Variants in CD302 observed in about 807,000 individuals in gnomAD.
CD302 encodes CD302 antigen.
Under a neutral mutation model 26.5 loss-of-function variants are expected in CD302, and 23 were observed. That is an observed-to-expected ratio of 0.87 (90% confidence interval 0.62 to 1.23). The LOEUF is 1.23. CD302 is among the 50% of genes most tolerant of loss of function. CD302 has a pLI of 0.00. For synonymous variants in CD302, 90 were observed against 99.4 expected (o/e 0.91, Z 0.56); for missense variants, 290 against 275.5 (o/e 1.05, Z -0.37).
At chr2:159,786,766 C>T (rs1022888637) in intron 1 of CD302, among the ~76,000 whole-genome samples, 4 of 152,128 alleles carry the variant, frequency 2.6e-5, no homozygotes, top group Non-Finnish European at 5.9e-5. Context: ...CATAAATATA[C>T]AGGTTGGTGA....
chr2:159,781,062 C>G, intron 2 of CD302, 64 bp from the exon 3 acceptor site: 1 of 1,305,008 alleles, frequency 7.7e-7, no homozygotes, highest in South Asian at 1.3e-5. Flanking sequence ...TCACTAGGTA[C>G]ATAAAAATAA....
intron 5 of CD302, among the ~76,000 whole-genome samples, chr2:159,776,839 G>A (rs1488858835): frequency 6.6e-6 from 1 of 151,500 alleles, no homozygotes; most frequent in East Asian, 1.9e-4. Context: ...CCAAGTAGCC[G>A]GGATTACAGG....
At position 159,771,747 on chromosome 2, in the gene CD302, C is replaced by T. The variant is rs1053685430; in HGVS notation, c.*104G>A. On this transcript the variant is annotated 3_prime_UTR_variant, in exon 6 of 6. Coordinates refer to ENST00000259053, the MANE Select transcript of CD302 (RefSeq NM_014880.5). ...AAAATGTTACTGGAATAAGGAATAC[C>T]ATTAAAGCTCTAATATCCAATGTCA... 4.0e-6 allele frequency: 5 copies of T among 1,264,286 alleles called. No homozygotes were observed. The East Asian group carries it at 1.0e-4, about 25-fold the overall frequency. The allele number at this position is 1,264,286 out of a possible 1,614,324, so 78.3% of individuals were successfully genotyped here.
chr2:159,780,892 A>G lies in CD302; in HGVS notation c.285T>C (p.Tyr95=), dbSNP rs1398060336. 10 of 1,612,900 alleles carry G rather than the reference A, an allele frequency of 6.2e-6. No homozygotes were observed. The highest frequency in any genetic ancestry group is 2.2e-5 in the East Asian group (1 of 44,850). ...GPDDILLGMF[Y]DTDDASFKWF... Reference sequence around the variant, plus strand: ...GTAAATATCACTTACCATCTGTGTCATAAAACATGCCTAGTAGGATATCAT... The same window carrying G: ...GTAAATATCACTTACCATCTGTGTCGTAAAACATGCCTAGTAGGATATCAT... Residue 95 remains tyrosine, a synonymous_variant, in exon 3 of 6, where the codon TAT becomes TAC. Transcript: ENST00000259053.
intron 1 of CD302, among the ~76,000 whole-genome samples, chr2:159,797,536 ACTC>A (rs1682488192): frequency 6.6e-6 from 1 of 151,922 alleles, no homozygotes; most frequent in Non-Finnish European, 1.5e-5. Context: ...GAACTTTAAA[ACTC>A]CTTGATTTCA....
In CD302 at chr2:159,780,978, G is replaced by T. The variant is rs768298768; in HGVS notation, c.199C>A (p.His67Asn). ...TDHGADMISI[H>N]NEEENAFILD... is the part of the protein sequence containing the mutation. ...ATAAAAGCATTTTCTTCTTCATTAT[G>T]TATGCTTATCATGTCCGCTCCTGAA... The change falls in exon 3 of 6, where the codon CAT (histidine) becomes AAT (asparagine). Residue 67 changes from histidine to asparagine, a missense_variant. Physicochemically the swap from His to Asn is moderately conservative, Grantham distance 68. Coordinates refer to ENST00000259053, the MANE Select transcript of CD302 (RefSeq NM_014880.5). The T allele has an allele frequency of 1.8e-5, 29 of 1,612,054 alleles. No individual in the cohort carries two copies. Among genetic ancestry groups the T allele is most frequent in the Non-Finnish European group, 2.5e-6 (3 of 1,179,686 alleles).
intron 1 of CD302, among the ~76,000 whole-genome samples, chr2:159,787,264 TA>T (rs2125809408): frequency 6.6e-6 from 1 of 152,302 alleles, no homozygotes; most frequent in African/African-American, 2.4e-5. Context: ...AGTTTTTTTT[TA>T]AATCCAGCTT....
rs1439865917 is a variant in CD302, at chr2:159,771,387, AGAT to A, written c.*461_*463del. 5 of 152,836 alleles carry A rather than the reference AGAT, an allele frequency of 3.3e-5. No individual in the cohort carries two copies. Among genetic ancestry groups the A allele is most frequent in the African/African-American group, 1.2e-4 (5 of 41,472 alleles). 9.5% of individuals were successfully genotyped at this position (152,836 alleles called of 1,614,324 possible). On this transcript the variant is annotated 3_prime_UTR_variant, in exon 6 of 6. Transcript: ENST00000259053. ...AATTTTCTTCATCTAAATCATAAAA[AGAT>A]ACACATTCTAGAGGAATTATCTGCC...
intron 5 of CD302, among the ~76,000 whole-genome samples, chr2:159,773,586 A>C (rs1708220734): frequency 6.6e-6 from 1 of 152,246 alleles, no homozygotes; most frequent in Non-Finnish European, 1.5e-5. Context: ...GGCGAGACAC[A>C]GTAAGTATAT....
At chr2:159,796,952 C>T (rs1682442516) in intron 1 of CD302, among the ~76,000 whole-genome samples, 1 of 152,170 alleles carries the variant, frequency 6.6e-6, no homozygotes, top group African/African-American at 2.4e-5. Context: ...GGTTCAGAGA[C>T]AGCCCAGCTT....
At chr2:159,794,474 A>G (rs1350794979) in intron 1 of CD302, among the ~76,000 whole-genome samples, 2 of 136,974 alleles carry the variant, frequency 1.5e-5, no homozygotes, top group Non-Finnish European at 3.2e-5. Flanking sequence ...TTGAAATTTC[A>G]CTTTTTCATT....
Position 159,783,391 on chromosome 2 carries a change from A to G in CD302, c.146T>C (p.Ile49Thr), listed in dbSNP as rs1708574014. Residue 49 changes from isoleucine (I) to threonine (T), a missense_variant, in exon 2 of 6, where the codon ATA becomes ACA. Physicochemically the swap from Ile to Thr is moderately conservative, Grantham distance 89 (BLOSUM62 -1). Coordinates refer to ENST00000259053, the MANE Select transcript of CD302 (RefSeq NM_014880.5). ...AGTACACTGATTTCTGACATCCTCT[A>G]TGCTTTCTACTTTGATGGCTTCTTG... is the stretch of plus-strand genomic sequence containing the variant. ...FLQEAIKVES[I>T]EDVRNQCTDH... is the part of the protein sequence containing the mutation. 11 of 1,611,480 alleles carry G rather than the reference A, an allele frequency of 6.8e-6. No individual in the cohort carries two copies. The highest frequency in any genetic ancestry group is 9.3e-6 in the Non-Finnish European group (11 of 1,179,360).
rs773753779 is a variant in CD302 at position 159,777,995 on chromosome 2, TTTAA to T, written c.470-35_470-32del. The T allele has an allele frequency of 1.6e-5, 14 of 879,614 alleles. No individual in the cohort carries two copies. The South Asian group carries it at 2.4e-4, about 15-fold the overall frequency. 54.5% of individuals were successfully genotyped at this position (879,614 alleles called of 1,614,324 possible). A position where few individuals can be genotyped will look rare whatever the true frequency, so the allele number is the denominator to read the frequency against. On this transcript the variant is annotated intron_variant, in intron 4 of 5. Transcript: ENST00000259053. ...ATACAAAAGAAAATAAAAATTAGAA[TTTAA>T]TTATGCTTTATTATAGGATTGACTT...
intron 2 of CD302, among the ~76,000 whole-genome samples, chr2:159,781,890 GTA>G (rs10541942): frequency 0.58 from 88,291 of 151,708 alleles, 25,942 homozygotes; most frequent in Admixed American, 0.68. Flanking sequence ...TATAATAAAT[GTA>G]TATGATTTTG....
At chr2:159,798,081 G>C (rs1682525538) in intron 1 of CD302, 51 bp downstream of exon 1, 1 of 1,471,906 alleles carries the variant, frequency 6.8e-7, no homozygotes, top group Non-Finnish European at 9.0e-7. Context: ...GTTGGGAAGG[G>C]GGCGAAGGCG....
In CD302 at chr2:159,771,143, T is replaced by C. The variant is rs1445850758; in HGVS notation, c.*708A>G. On this transcript the variant is annotated 3_prime_UTR_variant, in exon 6 of 6. Coordinates refer to ENST00000259053, the MANE Select transcript of CD302 (RefSeq NM_014880.5). Reference sequence around the variant, plus strand: ...GAGATACATCTTGTATAGGGGAAAGTACAAAAGGTATGGTGGCAAGAGAGA... The same window carrying C: ...GAGATACATCTTGTATAGGGGAAAGCACAAAAGGTATGGTGGCAAGAGAGA... 2.0e-5 allele frequency: 3 copies of C among 152,248 alleles called. No individual in the cohort carries two copies. The highest frequency in any genetic ancestry group is 4.8e-5 in the African/African-American group (2 of 41,562). The allele number at this position is 152,248 out of a possible 1,614,324, so 9.4% of individuals were successfully genotyped here.
chr2:159,776,968 A>T (rs938212448), intron 5 of CD302, among the ~76,000 whole-genome samples: 3 of 152,232 alleles, frequency 2.0e-5, no homozygotes, highest in African/African-American at 7.2e-5. Flanking sequence ...CAAAAAAAAT[A>T]TGGGTGGCTG....
intron 1 of CD302, among the ~76,000 whole-genome samples, chr2:159,788,767 G>C (rs908018274): frequency 2.0e-5 from 3 of 152,150 alleles, no homozygotes; most frequent in Non-Finnish European, 2.9e-5. Context: ...TGCACTTTCT[G>C]AATCTGTGGC....
chr2:159,776,711 TTTTTTTTTTTTG>T (rs1197451421), intron 5 of CD302, among the ~76,000 whole-genome samples: 5 of 36,500 alleles, frequency 1.4e-4, no homozygotes, highest in South Asian at 9.5e-4. Context: ...TTTTTTTTTT[TTTTTTTTTTTTG>T]TGAGATGGAG....
Sources: allele counts gnomAD v4.1 joint callset (sites outside exome capture counted in the v4.1 genomes callset), GRCh38; gene constraint gnomAD v4.1.1; transcripts MANE v1.5; gene names NCBI Gene and HGNC (gene_info 2026-07-23, HGNC 2026-07-21).